The following BBS9 variants were observed in gnomAD, a reference collection of about 807,000 sequenced individuals.
BBS9 encodes the protein Bardet-Biedl syndrome 9.
Under a neutral mutation model 117.7 loss-of-function variants are expected in BBS9, and 89 were observed. The observed-to-expected ratio is 0.76, with a 90% confidence interval of 0.64 to 0.90. The LOEUF is 0.90. BBS9 is among the 40% of genes least tolerant of loss of function. BBS9 has a pLI of 0.00. For missense variants in BBS9, 982 were observed against 1,042.2 expected (o/e 0.94, Z 0.80); for synonymous variants, 379 against 370.9 (o/e 1.02, Z -0.25).
intron 16 of BBS9, among the ~76,000 whole-genome samples, chr7:33,362,555 A>G (rs1040713773): frequency 1.3e-5 from 2 of 152,160 alleles, no homozygotes; most frequent in African/African-American, 2.4e-5. Context: ...ACTTTGTTGA[A>G]AATCATCTGA....
In BBS9 at chr7:33,133,480, T is replaced by A. The variant is rs1216576976; in HGVS notation, c.-12+3439T>A. On this transcript the variant is annotated intron_variant, in intron 1 of 22. Coordinates refer to ENST00000242067, the MANE Select transcript of BBS9 (RefSeq NM_198428.3). ...CTTTCTGTCTTTATGAATTTGCCTA[T>A]CCTGGATATTTTATATAAACAGAAT... Among the ~76,000 whole-genome samples, 3 of 152,350 alleles carry A rather than the reference T, an allele frequency of 2.0e-5. 1 individual carries two copies. The highest frequency in any genetic ancestry group is 3.9e-4 in the East Asian group (2 of 5,192).
At chr7:33,249,932 C>A (rs531698003) in intron 5 of BBS9, among the ~76,000 whole-genome samples, 1 of 152,266 alleles carries the variant, frequency 6.6e-6, no homozygotes, top group Non-Finnish European at 1.5e-5. Flanking sequence ...TTCACTCTGC[C>A]AATCTTTTGC....
Position 33,349,144 on chromosome 7 carries a change from G to A in BBS9, c.1406G>A (p.Cys469Tyr). 1 of 1,613,034 alleles carries A rather than the reference G, an allele frequency of 6.2e-7. No homozygotes were observed. The highest frequency in any genetic ancestry group is 2.2e-5 in the East Asian group (1 of 44,772). Residue 469 changes from cysteine to tyrosine, a missense_variant, in exon 13 of 23, where the codon TGT (cysteine) becomes TAT (tyrosine). Cys to Tyr is a radical substitution (Grantham distance 194). Coordinates refer to ENST00000242067, the MANE Select transcript of BBS9 (RefSeq NM_198428.3). ...VYVQPPLELTCDQFTFEFMTP... is the reference protein window; with the variant it reads ...VYVQPPLELTYDQFTFEFMTP... The stretch of plus-strand genomic sequence containing the variant: ...GTGCAACCACCATTAGAATTGACTT[G>A]TGATCAGTTCACCTTTGAATTTATG...
At chr7:33,239,882 A>G (rs967303158) in intron 5 of BBS9, among the ~76,000 whole-genome samples, 6 of 151,994 alleles carry the variant, frequency 3.9e-5, no homozygotes, top group Non-Finnish European at 8.8e-5. Flanking sequence ...GGTGCTGCAC[A>G]CCTGTAGTCT....
intron 5 of BBS9, among the ~76,000 whole-genome samples, chr7:33,229,664 G>T (rs1791955255): frequency 6.6e-6 from 1 of 152,022 alleles, no homozygotes; most frequent in African/African-American, 2.4e-5. Flanking sequence ...GTCCACTGAT[G>T]CACACTTATG....
At chr7:33,205,591 A>C (rs1272722307) in intron 5 of BBS9, among the ~76,000 whole-genome samples, 1 of 152,152 alleles carries the variant, frequency 6.6e-6, no homozygotes, top group East Asian at 1.9e-4. Flanking sequence ...CCATCTGTAA[A>C]CCAGGTCTGT....
At chr7:33,421,694 G>T (rs1417254383) in intron 19 of BBS9, among the ~76,000 whole-genome samples, 1 of 152,148 alleles carries the variant, frequency 6.6e-6, no homozygotes, top group Non-Finnish European at 1.5e-5. Context: ...GAAACAAACA[G>T]TAGAGATCTT....
intron 5 of BBS9, among the ~76,000 whole-genome samples, chr7:33,206,896 G>T (rs1401993756): frequency 6.6e-6 from 1 of 151,984 alleles, no homozygotes; most frequent in Admixed American, 6.6e-5. Context: ...TTTTAATTTG[G>T]AAAATTTCCT....
At chr7:33,426,638 G>A (rs762387616) in intron 19 of BBS9, among the ~76,000 whole-genome samples, 10 of 151,986 alleles carry the variant, frequency 6.6e-5, no homozygotes, top group Non-Finnish European at 1.3e-4. Flanking sequence ...GCCACATTCG[G>A]TTGTTAAAGG....
chr7:33,489,817 T>A (rs1233524073), intron 19 of BBS9, among the ~76,000 whole-genome samples: 2 of 152,178 alleles, frequency 1.3e-5, no homozygotes, highest in African/African-American at 2.4e-5. Flanking sequence ...GCTTCCACTA[T>A]GAAGATGGTA....
chr7:33,418,807 T>C (rs574817232), intron 19 of BBS9, among the ~76,000 whole-genome samples: 2 of 152,316 alleles, frequency 1.3e-5, no homozygotes, highest in African/African-American at 4.8e-5. Context: ...TAAAAGTTTT[T>C]TGATCCATTT....
intron 19 of BBS9, among the ~76,000 whole-genome samples, chr7:33,407,362 C>G (rs1830217844): frequency 6.6e-6 from 1 of 152,154 alleles, no homozygotes; most frequent in Non-Finnish European, 1.5e-5. Context: ...TTTTCAACTT[C>G]TTTGCCTTTG....
chr7:33,488,997 T>C (rs1333103498), intron 19 of BBS9, among the ~76,000 whole-genome samples: 1 of 141,930 alleles, frequency 7.0e-6, no homozygotes, highest in Non-Finnish European at 1.5e-5. Context: ...TCTTTTTTTT[T>C]TTTTTTTTTT....
intron 5 of BBS9, among the ~76,000 whole-genome samples, chr7:33,247,717 C>T (rs1795572349): frequency 6.6e-6 from 1 of 152,178 alleles, no homozygotes; most frequent in South Asian, 2.1e-4. Context: ...CTAGCACATA[C>T]TAGGTGTACA....
Position 33,273,118 on chromosome 7 carries a change from G to T in BBS9, c.809G>T (p.Cys270Phe), listed in dbSNP as rs763742314. ...GTTCTTGGTGAGAGAAACTTTTTTT[G>T]CCTTAAGGATAATGGACAAATTCGA... ...VFVLGERNFF[C>F]LKDNGQIRFM... The change falls in exon 8 of 23, where the codon TGC (cysteine) becomes TTC (phenylalanine). Residue 270 changes from cysteine to phenylalanine, a missense_variant. By Grantham distance (205) the Cys-to-Phe change is radical. Transcript: ENST00000242067. 7 of 1,613,516 alleles carry T rather than the reference G, an allele frequency of 4.3e-6. No individual in the cohort carries two copies. Among genetic ancestry groups the T allele is most frequent in the Non-Finnish European group, 5.9e-6 (7 of 1,179,732 alleles).
intron 9 of BBS9, among the ~76,000 whole-genome samples, chr7:33,292,190 G>C (rs1804190687): frequency 6.6e-6 from 1 of 151,876 alleles, no homozygotes; most frequent in Admixed American, 6.6e-5. Flanking sequence ...CTTGCCTGTG[G>C]AAAATTAAAA....
intron 19 of BBS9, among the ~76,000 whole-genome samples, chr7:33,500,117 G>A (rs1210817942): frequency 4.6e-5 from 7 of 152,188 alleles, no homozygotes; most frequent in African/African-American, 1.7e-4. Context: ...CCTTTATAAT[G>A]TAACTTTGGG....
intron 21 of BBS9, among the ~76,000 whole-genome samples, chr7:33,588,567 G>A (rs1861347838): frequency 6.6e-6 from 1 of 152,142 alleles, no homozygotes; most frequent in Non-Finnish European, 1.5e-5. Flanking sequence ...ATTCTCACAA[G>A]TGAAGACAAT....
In BBS9 at chr7:33,311,804, G is replaced by A. The variant is rs553451337; in HGVS notation, c.1017-24637G>A. 1.4e-4 allele frequency among the ~76,000 whole-genome samples: 20 copies of A among 144,226 alleles called. No homozygotes were observed. In the South Asian group the frequency reaches 3.0e-3, roughly 22 times the overall value. 94.6% of individuals were successfully genotyped at this position (144,226 alleles called of 152,430 possible). A position where few individuals can be genotyped will look rare whatever the true frequency, so the allele number is the denominator to read the frequency against. ...TGCACTCCAGCCTGGGCAACAGAGT[G>A]AGACTCCATCTCAAAAAAAAAAAAG... On this transcript the variant is annotated intron_variant, in intron 9 of 22. Transcript: ENST00000242067.
Sources: gnomAD v4.1 joint callset for allele counts (sites outside exome capture counted in the v4.1 genomes callset) on GRCh38, gnomAD v4.1.1 for gene constraint, MANE v1.5 for transcripts, NCBI Gene and HGNC (gene_info 2026-07-23, HGNC 2026-07-21) for gene names.